MCTP2: variants seen among roughly 807,000 people sequenced by gnomAD.
MCTP2 encodes the protein multiple C2 and transmembrane domain-containing protein 2.
A neutral mutation model predicts 111.6 loss-of-function variants in MCTP2; 132 were observed. That is an observed-to-expected ratio of 1.18 (90% CI 1.03 to 1.37). The LOEUF is 1.37. Ranked by LOEUF, MCTP2 falls within the 40% of genes most tolerant of loss-of-function variation. The probability of loss-of-function intolerance (pLI) is 0.00; values close to 1 mark genes in which losing one functional copy is unlikely to be tolerated. For synonymous variants in MCTP2, 395 were observed against 387.7 expected, an observed-to-expected ratio of 1.02 and a Z score of -0.22; for missense variants, 1,183 against 1,067.9, an observed-to-expected ratio of 1.11 and a Z score of -1.50.
chr15:94,244,340 G>T (rs1215070811), intron 1 of MCTP2, among the ~76,000 whole-genome samples: 1 of 144,798 alleles, frequency 6.9e-6, no homozygotes, highest in Non-Finnish European at 1.5e-5. Flanking sequence ...ATATATACAC[G>T]TATACGTATA....
intron 4 of MCTP2, among the ~76,000 whole-genome samples, chr15:94,334,750 G>A (rs533702219): frequency 4.6e-5 from 7 of 151,810 alleles, no homozygotes; most frequent in Admixed American, 6.6e-5. Context: ...GTCTCACTGC[G>A]TCACTCAGGC....
chr15:94,375,520 G>A (rs1273588516), intron 12 of MCTP2, among the ~76,000 whole-genome samples: 1 of 152,050 alleles, frequency 6.6e-6, no homozygotes, highest in Non-Finnish European at 1.5e-5. Flanking sequence ...AATTCTCCTG[G>A]GGATTTTTAT....
At chr15:94,343,083 T>C (rs1362921790) in intron 7 of MCTP2, 1 of 151,310 alleles carries the variant, frequency 6.6e-6, no homozygotes, top group African/African-American at 2.4e-5. Flanking sequence ...AATGGAAATA[T>C]AGACAACTGC....
intron 4 of MCTP2, among the ~76,000 whole-genome samples, chr15:94,319,384 C>T (rs1158150120): frequency 6.6e-6 from 1 of 152,212 alleles, no homozygotes; most frequent in East Asian, 1.9e-4. Flanking sequence ...TTTTATCTAA[C>T]ACAATCCTTT....
At chr15:94,292,943 A>T (rs2152327581) in intron 1 of MCTP2, 1 of 152,330 alleles carries the variant, frequency 6.6e-6, no homozygotes, top group South Asian at 2.1e-4. Context: ...GAGATTTTTG[A>T]TGAAAGTACA....
chr15:94,345,005 C>T, intron 7 of MCTP2, 124 bp from the exon 8 acceptor site: 1 of 1,121,070 alleles, frequency 8.9e-7, no homozygotes, highest in Non-Finnish European at 1.3e-6. Context: ...AACCTCAGAA[C>T]TTGGATATTA....
intron 1 of MCTP2, among the ~76,000 whole-genome samples, chr15:94,245,299 T>C (rs187104579): frequency 2.8e-4 from 40 of 142,660 alleles, no homozygotes; most frequent in Admixed American, 1.9e-3. Context: ...TGTATATATT[T>C]ATATACATAT....
rs2074751129 is a variant in MCTP2, at chr15:94,481,995, G to T, written c.*2961G>T. The T allele has an allele frequency of 6.6e-6, 1 of 151,888 alleles. No homozygotes were observed. Among genetic ancestry groups the T allele is most frequent in the South Asian group, 2.1e-4 (1 of 4,816 alleles). 9.4% of individuals were successfully genotyped at this position (151,888 alleles called of 1,614,324 possible). On this transcript the variant is annotated 3_prime_UTR_variant, in exon 23 of 23. Coordinates refer to ENST00000357742, the MANE Select transcript of MCTP2 (RefSeq NM_001385001.1). Reference sequence around the variant, plus strand: ...TGTCAATTATAAACTTTTAAATTATGTCTTATATTTGAAGTTCTTACCTAC... The same window carrying T: ...TGTCAATTATAAACTTTTAAATTATTTCTTATATTTGAAGTTCTTACCTAC...
chr15:94,450,115 CA>C (rs907897709), intron 19 of MCTP2, among the ~76,000 whole-genome samples: 5 of 150,822 alleles, frequency 3.3e-5, no homozygotes, highest in African/African-American at 4.9e-5. Context: ...TTGCAGGCCA[CA>C]AAAAAAAGTG....
At chr15:94,368,576 T>C (rs994271523) in intron 11 of MCTP2, among the ~76,000 whole-genome samples, 1 of 152,204 alleles carries the variant, frequency 6.6e-6, no homozygotes, top group Admixed American at 6.5e-5. Context: ...GATCCTTCAC[T>C]GTGTAGATGT....
chr15:94,394,049 C>CAAAAAAAAA (rs767685107), intron 14 of MCTP2, among the ~76,000 whole-genome samples: 17 of 61,706 alleles, frequency 2.8e-4, no homozygotes, highest in Non-Finnish European at 4.8e-4. Context: ...AACTCCATCT[C>CAAAAAAAAA]AAAAAAAAAA....
chr15:94,430,461 G>T (rs983573546), intron 17 of MCTP2, among the ~76,000 whole-genome samples: 5 of 147,420 alleles, frequency 3.4e-5, no homozygotes, highest in Admixed American at 6.8e-5. Context: ...GCTGGGCATG[G>T]TGACTCATGC....
chr15:94,401,626 C>G (rs10520752), intron 16 of MCTP2, among the ~76,000 whole-genome samples: 1 of 152,116 alleles, frequency 6.6e-6, no homozygotes, highest in African/African-American at 2.4e-5. Flanking sequence ...CTGGCTTCTG[C>G]AGTTTCACCA....
chr15:94,300,113 C>A (rs1032117722), intron 2 of MCTP2, among the ~76,000 whole-genome samples: 41 of 151,410 alleles, frequency 2.7e-4, no homozygotes, highest in African/African-American at 9.7e-4. Flanking sequence ...TTTTTTTTTC[C>A]TGACCAGAAA....
chr15:94,369,397 T>C, intron 11 of MCTP2, among the ~76,000 whole-genome samples: 1 of 152,180 alleles, frequency 6.6e-6, no homozygotes, highest in Non-Finnish European at 1.5e-5. Context: ...GAAGAGAGTT[T>C]ATCTGCCGGC....
In MCTP2 at chr15:94,482,292, C is replaced by T. The variant is rs1228226074; in HGVS notation, c.*3258C>T. 1 of 152,086 alleles carries T rather than the reference C, an allele frequency of 6.6e-6. No homozygotes were observed. Among genetic ancestry groups the T allele is most frequent in the Non-Finnish European group, 1.5e-5 (1 of 68,022 alleles). 9.4% of individuals were successfully genotyped at this position (152,086 alleles called of 1,614,324 possible). ...AGTTTAGAGAAGTTATTAATATTAGCCCTTTGTAGTACTCCTGATAAATGA... is the reference window on the plus strand; with the variant it reads ...AGTTTAGAGAAGTTATTAATATTAGTCCTTTGTAGTACTCCTGATAAATGA... On this transcript the variant is annotated 3_prime_UTR_variant, in exon 23 of 23. Transcript: ENST00000357742.
At chr15:94,291,445 A>G (rs903269257) in intron 1 of MCTP2, among the ~76,000 whole-genome samples, 3 of 152,174 alleles carry the variant, frequency 2.0e-5, no homozygotes, top group African/African-American at 7.2e-5. Context: ...TCTGCTAAAA[A>G]TACAAAATTG....
intron 4 of MCTP2, among the ~76,000 whole-genome samples, chr15:94,328,273 T>C (rs531596194): frequency 8.8e-4 from 134 of 151,620 alleles, no homozygotes; most frequent in Admixed American, 2.9e-3. Context: ...GGACTACAGG[T>C]GCCCGCCACC....
At chr15:94,410,507 T>G (rs79269142) in intron 17 of MCTP2, among the ~76,000 whole-genome samples, 21,779 of 151,422 alleles carry the variant, frequency 0.14, 1,698 homozygotes, top group Non-Finnish European at 0.18. Context: ...GGAGTTTGAG[T>G]CCAGCCTGGG....
Sources: allele counts gnomAD v4.1 joint callset (sites outside exome capture counted in the v4.1 genomes callset), GRCh38; gene constraint gnomAD v4.1.1; transcripts MANE v1.5; gene names NCBI Gene and HGNC (gene_info 2026-07-23, HGNC 2026-07-21).